Variants in TAFA1 observed in about 807,000 individuals in gnomAD.
TAFA1 encodes the protein TAFA chemokine like family member 1, also known as chemokine-like protein TAFA-1.
TAFA1 carries 4 observed loss-of-function variants against 18.5 expected under a neutral mutation model. The observed-to-expected ratio is 0.22, with a 90% confidence interval of 0.11 to 0.49. TAFA1 has a LOEUF of 0.49. TAFA1 is among the 20% of genes least tolerant of loss of function. The pLI is 0.98. For synonymous variants in TAFA1, 56 were observed against 55.2 expected (o/e 1.01, Z -0.06); for missense variants, 147 against 169.0 (o/e 0.87, Z 0.72).
intron 2 of TAFA1, among the ~76,000 whole-genome samples, chr3:68,237,852 TTGAC>T (rs1490324390): frequency 3.3e-5 from 5 of 152,142 alleles, no homozygotes; most frequent in South Asian, 2.1e-4. Context: ...TATCAAGAGA[TTGAC>T]TGACTGACAA....
intron 2 of TAFA1, among the ~76,000 whole-genome samples, chr3:68,088,552 T>C (rs941169979): frequency 3.3e-4 from 50 of 152,180 alleles, no homozygotes; most frequent in Non-Finnish European, 5.9e-5. Context: ...GATAATTTCT[T>C]AGTTTCTGTC....
At chr3:68,259,944 A>C (rs1183957833) in intron 2 of TAFA1, among the ~76,000 whole-genome samples, 1 of 151,138 alleles carries the variant, frequency 6.6e-6, no homozygotes, top group Non-Finnish European at 1.5e-5. Context: ...TCTCCTGCCT[A>C]ATTGCCCTGG....
intron 2 of TAFA1, among the ~76,000 whole-genome samples, chr3:68,323,512 G>A (rs1235003349): frequency 6.6e-6 from 1 of 152,186 alleles, no homozygotes; most frequent in African/African-American, 2.4e-5. Context: ...ACAATTCTCT[G>A]CCCAAAAGGT....
chr3:68,051,006 TAC>T (rs1178050038), intron 2 of TAFA1, among the ~76,000 whole-genome samples: 1 of 152,156 alleles, frequency 6.6e-6, no homozygotes, highest in Non-Finnish European at 1.5e-5. Context: ...ATACTAAAAG[TAC>T]AGTCTATGTC....
chr3:68,399,392 T>C lies in TAFA1; in HGVS notation c.119-17888T>C, dbSNP rs1415067878. Among the ~76,000 whole-genome samples, 5 of 152,168 alleles carry C rather than the reference T, an allele frequency of 3.3e-5. No individual in the cohort carries two copies. In the East Asian group the frequency reaches 9.6e-4, roughly 29 times the overall value. ...ATTTCTCTGTTATTTGGGATTTCTT[T>C]ACAACAGAGGCTCAACCATCCAGTT... On this transcript the variant is annotated intron_variant, in intron 2 of 4. Coordinates refer to ENST00000478136, the MANE Select transcript of TAFA1 (RefSeq NM_213609.4).
At position 68,262,275 on chromosome 3, in the gene TAFA1, TA is replaced by T. The variant is rs200133305; in HGVS notation, c.119-155002del. Among the ~76,000 whole-genome samples, 345 of 138,992 alleles carry T rather than the reference TA, an allele frequency of 2.5e-3. 9 individuals are homozygous for T. Among genetic ancestry groups the T allele is most frequent in the East Asian group, 0.024 (115 of 4,824 alleles). 91.2% of individuals were successfully genotyped at this position (138,992 alleles called of 152,430 possible). A position where few individuals can be genotyped will look rare whatever the true frequency, so the allele number is the denominator to read the frequency against. On this transcript the variant is annotated intron_variant, in intron 2 of 4. Transcript: ENST00000478136. ...TCCTGGGTTTAGGATTTTTTTTTTTTAAATTTTCAGCTTTTATTTTAGATAT... is the reference window on the plus strand; with the variant it reads ...TCCTGGGTTTAGGATTTTTTTTTTTTAATTTTCAGCTTTTATTTTAGATAT...
At chr3:68,017,820 C>A (rs1227118531) in intron 2 of TAFA1, among the ~76,000 whole-genome samples, 4 of 152,114 alleles carry the variant, frequency 2.6e-5, no homozygotes, top group Admixed American at 2.6e-4. Flanking sequence ...GTCTAAGATG[C>A]AAAGCTGCTT....
At chr3:68,180,669 C>T (rs1257815458) in intron 2 of TAFA1, among the ~76,000 whole-genome samples, 5 of 152,168 alleles carry the variant, frequency 3.3e-5, no homozygotes, top group Admixed American at 3.3e-4. Flanking sequence ...TTTTTCTTGG[C>T]AACTGACATG....
chr3:68,488,298 T>C lies in TAFA1; in HGVS notation c.260-50458T>C, dbSNP rs542667446. Among the ~76,000 whole-genome samples the C allele has an allele frequency of 2.2e-4, 33 of 152,172 alleles. No homozygotes were observed. In the East Asian group the frequency reaches 5.8e-3, roughly 27 times the overall value. ...TGGGAGAAAGACGTAGGCCAGAAAA[T>C]TAGGCCAGTCTAATATTTTCACGTT... On this transcript the variant is annotated intron_variant, in intron 3 of 4. Transcript: ENST00000478136.
intron 2 of TAFA1, among the ~76,000 whole-genome samples, chr3:68,021,435 T>C (rs1157435135): frequency 6.6e-6 from 1 of 152,154 alleles, no homozygotes; most frequent in Non-Finnish European, 1.5e-5. Flanking sequence ...TGGGATGTTT[T>C]TTTCTTTTCA....
chr3:68,540,140 A>T (rs2073348578), intron 4 of TAFA1, among the ~76,000 whole-genome samples: 4 of 152,150 alleles, frequency 2.6e-5, no homozygotes, highest in Admixed American at 2.6e-4. Flanking sequence ...ATGCTACATA[A>T]TACTATATAA....
chr3:68,208,907 A>G (rs2107061301), intron 2 of TAFA1, among the ~76,000 whole-genome samples: 1 of 152,012 alleles, frequency 6.6e-6, no homozygotes, highest in African/African-American at 2.4e-5. Context: ...TGAGCCCTTT[A>G]AAAAACAGGT....
intron 2 of TAFA1, among the ~76,000 whole-genome samples, chr3:68,165,797 A>G (rs920898861): frequency 2.6e-5 from 4 of 152,256 alleles, no homozygotes; most frequent in Admixed American, 1.3e-4. Flanking sequence ...TACATGAGTA[A>G]TTAAGCTTAG....
At chr3:68,183,749 AT>A (rs2066235162) in intron 2 of TAFA1, among the ~76,000 whole-genome samples, 1 of 152,126 alleles carries the variant, frequency 6.6e-6, no homozygotes, top group East Asian at 1.9e-4. Context: ...GTGATAGCAT[AT>A]TTGCTCCTAA....
In TAFA1 at chr3:68,440,584, T is replaced by C. The variant is rs544585928; in HGVS notation, c.259+23164T>C. Reference sequence around the variant, plus strand: ...AGTTTCTTCTACTACCCATTCTGTATTCCCTTTGCCTTCAGCAAATGCCTC... The same window carrying C: ...AGTTTCTTCTACTACCCATTCTGTACTCCCTTTGCCTTCAGCAAATGCCTC... On this transcript the variant is annotated intron_variant, in intron 3 of 4. Coordinates refer to ENST00000478136, the MANE Select transcript of TAFA1 (RefSeq NM_213609.4). Among the ~76,000 whole-genome samples the C allele has an allele frequency of 1.2e-4, 19 of 152,306 alleles. 1 individual carries two copies. Among genetic ancestry groups the C allele is most frequent in the Admixed American group, 1.2e-3 (18 of 15,298 alleles).
chr3:68,130,168 A>G (rs1451950768), intron 2 of TAFA1, among the ~76,000 whole-genome samples: 1 of 152,224 alleles, frequency 6.6e-6, no homozygotes, highest in African/African-American at 2.4e-5. Context: ...CGTGAAGGTA[A>G]AGAATTAGTG....
At chr3:68,230,073 T>A (rs2066853509) in intron 2 of TAFA1, among the ~76,000 whole-genome samples, 2 of 152,198 alleles carry the variant, frequency 1.3e-5, no homozygotes. Flanking sequence ...TCAGTATAAT[T>A]GGGATATCCA....
chr3:68,101,406 C>T (rs1559520586), intron 2 of TAFA1, among the ~76,000 whole-genome samples: 5 of 152,026 alleles, frequency 3.3e-5, no homozygotes, highest in Admixed American at 6.6e-5. Context: ...CACTCATTAA[C>T]TCATCATTTA....
intron 3 of TAFA1, among the ~76,000 whole-genome samples, chr3:68,452,531 A>AAC (rs2071581899): frequency 6.6e-6 from 1 of 151,376 alleles, no homozygotes; most frequent in African/African-American, 2.4e-5. Flanking sequence ...TCAAAAAAAA[A>AAC]AAAAAAAAAA....
Sources: allele counts gnomAD v4.1 joint callset (sites outside exome capture counted in the v4.1 genomes callset), GRCh38; gene constraint gnomAD v4.1.1; transcripts MANE v1.5; gene names NCBI Gene and HGNC (gene_info 2026-07-23, HGNC 2026-07-21).